The following PHTF1 variants were observed in gnomAD, a reference collection of about 807,000 sequenced individuals.
PHTF1 encodes putative homeodomain transcription factor 1.
A neutral mutation model predicts 102.4 loss-of-function variants in PHTF1; 88 were observed. The ratio of observed to expected loss-of-function variants is 0.86; its 90% CI spans 0.72 to 1.03. The LOEUF is 1.03. PHTF1 is among the 50% of genes least tolerant of loss of function. PHTF1 has a pLI of 0.00. For missense variants in PHTF1, 814 were observed against 909.5 expected (o/e 0.89, Z 1.35); for synonymous variants, 289 against 305.2 (o/e 0.95, Z 0.55).
At chr1:113,698,901 C>T (rs867881942) in intron 17 of PHTF1, 1 of 160,830 alleles carries the variant, frequency 6.2e-6, no homozygotes, top group African/African-American at 2.4e-5. Context: ...ATAGCTAGAG[C>T]TTGGGTCCTC....
At chr1:113,719,088 C>T (rs899649975) in intron 7 of PHTF1, among the ~76,000 whole-genome samples, 5 of 152,000 alleles carry the variant, frequency 3.3e-5, no homozygotes, top group African/African-American at 1.2e-4. Context: ...GCAAATGCCA[C>T]CTCTTGGGTT....
chr1:113,758,727 G>A lies in PHTF1; in HGVS notation c.-24C>T. 2 of 1,606,934 alleles carry A rather than the reference G, an allele frequency of 1.2e-6. No homozygotes were observed. The highest frequency in any genetic ancestry group is 1.7e-6 in the Non-Finnish European group (2 of 1,176,806). ...ATCTGTGTCTCCAGCCAGAGAATGG[G>A]ATTTCACTGAAAATGAAGGAAAACC... On this transcript the variant is annotated 5_prime_UTR_variant, in exon 2 of 19. Coordinates refer to ENST00000369604, the MANE Select transcript of PHTF1 (RefSeq NM_001323043.2).
At chr1:113,709,773 T>C (rs1401307030) in intron 11 of PHTF1, among the ~76,000 whole-genome samples, 1 of 152,200 alleles carries the variant, frequency 6.6e-6, no homozygotes, top group Admixed American at 6.5e-5. Context: ...AGAATGAATC[T>C]CTACATTGGT....
At chr1:113,711,513 C>T (rs543046658) in intron 10 of PHTF1, among the ~76,000 whole-genome samples, 1 of 152,242 alleles carries the variant, frequency 6.6e-6, no homozygotes, top group Admixed American at 6.5e-5. Flanking sequence ...GATTAAGTAA[C>T]CTCCTGCTGG....
intron 7 of PHTF1, chr1:113,713,861 C>A (rs1651552073): frequency 6.0e-6 from 1 of 166,894 alleles, no homozygotes; most frequent in African/African-American, 2.4e-5. Flanking sequence ...TACTGCAAAG[C>A]CAGGCAGTGT....
chr1:113,745,304 T>A (rs1368539316), intron 3 of PHTF1, among the ~76,000 whole-genome samples: 1 of 152,046 alleles, frequency 6.6e-6, no homozygotes, highest in Non-Finnish European at 1.5e-5. Context: ...ATCAAATTTG[T>A]GTTAAAACAG....
intron 13 of PHTF1, chr1:113,705,642 G>T: frequency 2.7e-6 from 1 of 373,068 alleles, no homozygotes; most frequent in Admixed American, 4.6e-5. Flanking sequence ...CTAAGCAGTC[G>T]GCTAGGCTCA....
intron 5 of PHTF1, among the ~76,000 whole-genome samples, chr1:113,734,323 C>A (rs1655155374): frequency 1.3e-5 from 2 of 152,032 alleles, no homozygotes; most frequent in African/African-American, 4.8e-5. Context: ...AGAGAAAAAG[C>A]CTCAATCTTC....
chr1:113,753,032 GAGA>G (rs769155508), intron 3 of PHTF1, among the ~76,000 whole-genome samples: 9 of 152,166 alleles, frequency 5.9e-5, no homozygotes, highest in Non-Finnish European at 1.0e-4. Flanking sequence ...TGTATTTACT[GAGA>G]AGATCATATG....
At chr1:113,717,521 A>G (rs1297861236) in intron 7 of PHTF1, among the ~76,000 whole-genome samples, 1 of 152,216 alleles carries the variant, frequency 6.6e-6, no homozygotes, top group Non-Finnish European at 1.5e-5. Flanking sequence ...AGGGGATGGA[A>G]AAAGATATTC....
chr1:113,744,720 C>T (rs1266997403), intron 3 of PHTF1, among the ~76,000 whole-genome samples: 1 of 152,150 alleles, frequency 6.6e-6, no homozygotes, highest in African/African-American at 2.4e-5. Flanking sequence ...GAGGCTGAGG[C>T]AGGCAGATTC....
Position 113,722,094 on chromosome 1 carries a change from A to T in PHTF1, c.623+2665T>A, listed in dbSNP as rs762035718. 1.0e-3 allele frequency among the ~76,000 whole-genome samples: 152 copies of T among 152,324 alleles called. 1 individual carries two copies. Among genetic ancestry groups the T allele is most frequent in the Non-Finnish European group, 1.9e-3 (126 of 68,008 alleles). On this transcript the variant is annotated intron_variant, in intron 7 of 18. Transcript: ENST00000369604. ...TAGTTTCAAATAAAATTAAACACCTAGCAATTAACCAAAGAAGTGAAAGAT... is the reference window on the plus strand; with the variant it reads ...TAGTTTCAAATAAAATTAAACACCTTGCAATTAACCAAAGAAGTGAAAGAT...
rs532868813 is a variant in PHTF1, at chr1:113,756,031, C to T, written c.102+1668G>A. 3.4e-5 allele frequency among the ~76,000 whole-genome samples: 5 copies of T among 148,096 alleles called. No individual in the cohort carries two copies. The South Asian group carries it at 1.1e-3, about 32-fold the overall frequency. On this transcript the variant is annotated intron_variant, in intron 3 of 18. Coordinates refer to ENST00000369604, the MANE Select transcript of PHTF1 (RefSeq NM_001323043.2). Reference sequence around the variant, plus strand: ...GCAGTGAGCCGAGATCGCTCCACTGCACTCCAACCAGGGTGACAGAGCGAG... The same window carrying T: ...GCAGTGAGCCGAGATCGCTCCACTGTACTCCAACCAGGGTGACAGAGCGAG...
chr1:113,729,757 G>A (rs1654370181), intron 5 of PHTF1, among the ~76,000 whole-genome samples: 1 of 152,132 alleles, frequency 6.6e-6, no homozygotes, highest in Admixed American at 6.5e-5. Flanking sequence ...TAAAGGCTTG[G>A]GTCTTTGAGC....
rs554894610 is a variant in PHTF1, at chr1:113,705,177, C to T, written c.1672-380G>A. On this transcript the variant is annotated intron_variant, in intron 13 of 18. Transcript: ENST00000369604. ...TTCTGGGGCTGGGCATGGTGGCTCA[C>T]GCCCTGTAATCCCAGCACTTTGGGA... 3.9e-5 allele frequency among the ~76,000 whole-genome samples: 6 copies of T among 152,314 alleles called. No individual in the cohort carries two copies. The East Asian group carries it at 5.8e-4, about 15-fold the overall frequency.
intron 6 of PHTF1, 134 bp from the exon 7 acceptor site, chr1:113,725,027 T>C (rs1653614665): frequency 4.9e-6 from 3 of 606,242 alleles, no homozygotes. Context: ...ATTCTGCGGA[T>C]AAACTATGCA....
intron 3 of PHTF1, among the ~76,000 whole-genome samples, chr1:113,754,516 C>A (rs1166010437): frequency 1.3e-5 from 2 of 152,066 alleles, no homozygotes; most frequent in Non-Finnish European, 2.9e-5. Context: ...TAAATAAATA[C>A]GTAATGGATG....
Position 113,699,725 on chromosome 1 carries a change from CT to C in PHTF1, c.2120del (p.Lys707SerfsTer7). 2.1e-6 allele frequency: 3 copies of C among 1,453,372 alleles called. No homozygotes were observed. Among genetic ancestry groups the C allele is most frequent in the East Asian group, 2.3e-5 (1 of 43,796 alleles). The allele number at this position is 1,453,372 out of a possible 1,614,324, so 90.0% of individuals were successfully genotyped here. On this transcript the variant is annotated frameshift_variant, in exon 17 of 19. Transcript: ENST00000369604. LOFTEE classifies it high-confidence loss of function. ...TTACTTTCAACAACTTGGTGGACAG[CT>C]TTAATACATTGTTTACTAGAGTAAG... ...EQLTLVNNVL[K>X]LSTKLLKELD...
rs1557908115 is a variant in PHTF1, at chr1:113,706,167, G to T, written c.1399-5C>A. On this transcript the variant is annotated splice_region_variant and splice_polypyrimidine_tract_variant and intron_variant, in intron 12 of 18. Transcript: ENST00000369604. ...TCCTTGCTGATAGGCATTGACCTGT[G>T]AATTAATTTAAAATTTCCACCATTA... 1.3e-6 allele frequency: 2 copies of T among 1,586,288 alleles called. No individual in the cohort carries two copies. Among genetic ancestry groups the T allele is most frequent in the Admixed American group, 3.7e-5 (2 of 54,412 alleles).
Sources: allele counts gnomAD v4.1 joint callset (sites outside exome capture counted in the v4.1 genomes callset), GRCh38; gene constraint gnomAD v4.1.1; transcripts MANE v1.5; gene names NCBI Gene and HGNC (gene_info 2026-07-23, HGNC 2026-07-21).